Variants in SLC6A11 observed in about 807,000 individuals in gnomAD.
SLC6A11 encodes sodium- and chloride-dependent GABA transporter 3.
A neutral mutation model predicts 74.8 loss-of-function variants in SLC6A11; 25 were observed. The ratio of observed to expected loss-of-function variants is 0.33; its 90% CI spans 0.24 to 0.47. SLC6A11 has a LOEUF of 0.47. Ranked by LOEUF, SLC6A11 falls within the 20% of genes least tolerant of loss-of-function variation. The probability of loss-of-function intolerance (pLI) is 1.00; values close to 1 mark genes in which losing one functional copy is unlikely to be tolerated. For missense variants in SLC6A11, 574 were observed against 837.0 expected (o/e 0.69, Z 3.88); for synonymous variants, 330 against 330.2 (o/e 1.00, Z 0.01).
At chr3:10,870,994 T>C (rs1244335376) in intron 5 of SLC6A11, among the ~76,000 whole-genome samples, 3 of 152,228 alleles carry the variant, frequency 2.0e-5, no homozygotes, top group East Asian at 3.8e-4. Context: ...AAGGTGTGAA[T>C]AGCAGTGGAG....
intron 4 of SLC6A11, among the ~76,000 whole-genome samples, chr3:10,831,022 G>C (rs1187512530): frequency 1.3e-5 from 2 of 152,118 alleles, no homozygotes; most frequent in African/African-American, 4.8e-5. Flanking sequence ...GCCATGCTTG[G>C]CCATAGAATA....
chr3:10,901,243 A>G (rs1263778842), intron 6 of SLC6A11, among the ~76,000 whole-genome samples: 1 of 152,178 alleles, frequency 6.6e-6, no homozygotes, highest in African/African-American at 2.4e-5. Flanking sequence ...GGCTCAAGCA[A>G]CTGACGTGAT....
intron 6 of SLC6A11, among the ~76,000 whole-genome samples, chr3:10,890,177 G>C (rs1352077461): frequency 6.6e-6 from 1 of 152,166 alleles, no homozygotes; most frequent in African/African-American, 2.4e-5. Flanking sequence ...TTGGACATTA[G>C]TGCTTTATAG....
intron 11 of SLC6A11, among the ~76,000 whole-genome samples, chr3:10,933,665 A>G (rs1470832172): frequency 6.6e-6 from 1 of 152,094 alleles, no homozygotes; most frequent in African/African-American, 2.4e-5. Context: ...GGGCTCAGTG[A>G]TGGTCACTCC....
chr3:10,844,433 T>G, intron 5 of SLC6A11, 87 bp downstream of exon 5: 1 of 1,529,872 alleles, frequency 6.5e-7, no homozygotes, highest in Non-Finnish European at 9.0e-7. Context: ...GAGTTCATGT[T>G]GCAGAGGCCA....
At chr3:10,866,116 G>C (rs918019450) in intron 5 of SLC6A11, among the ~76,000 whole-genome samples, 1 of 152,194 alleles carries the variant, frequency 6.6e-6, no homozygotes, top group African/African-American at 2.4e-5. Flanking sequence ...GACTCCTTCT[G>C]TTCTGTTGCT....
At chr3:10,894,360 G>A (rs529285298) in intron 6 of SLC6A11, among the ~76,000 whole-genome samples, 149 of 152,314 alleles carry the variant, frequency 9.8e-4, no homozygotes, top group African/African-American at 3.3e-3. Flanking sequence ...TGTAAGCAGG[G>A]CAGGCAGGTC....
intron 4 of SLC6A11, among the ~76,000 whole-genome samples, chr3:10,832,882 A>G (rs1694315762): frequency 6.6e-6 from 1 of 152,206 alleles, no homozygotes; most frequent in Admixed American, 6.5e-5. Flanking sequence ...TAAGTAAAAG[A>G]AGAAAATACA....
chr3:10,894,930 A>G (rs1465691407), intron 6 of SLC6A11, among the ~76,000 whole-genome samples: 2 of 152,228 alleles, frequency 1.3e-5, no homozygotes, highest in Non-Finnish European at 2.9e-5. Flanking sequence ...TAAAAGTTAA[A>G]AAATAAAATA....
At chr3:10,867,481 G>A (rs1694779591) in intron 5 of SLC6A11, among the ~76,000 whole-genome samples, 1 of 152,226 alleles carries the variant, frequency 6.6e-6, no homozygotes, top group Non-Finnish European at 1.5e-5. Flanking sequence ...CACCCAGTAG[G>A]TGTTCAGTTA....
chr3:10,851,272 C>A (rs1199340721), intron 5 of SLC6A11, among the ~76,000 whole-genome samples: 1 of 152,148 alleles, frequency 6.6e-6, no homozygotes, highest in Admixed American at 6.5e-5. Flanking sequence ...CTGGTCCCTT[C>A]CCCGCCTCCT....
intron 6 of SLC6A11, among the ~76,000 whole-genome samples, chr3:10,889,850 A>G (rs1373874348): frequency 6.6e-6 from 1 of 152,140 alleles, no homozygotes; most frequent in African/African-American, 2.4e-5. Flanking sequence ...GCAAGAAGGA[A>G]TTCCTGGGTG....
chr3:10,928,557 C>T (rs568761611), intron 9 of SLC6A11, among the ~76,000 whole-genome samples: 170 of 152,262 alleles, frequency 1.1e-3, no homozygotes, highest in Middle Eastern at 3.4e-3. Flanking sequence ...GCTTAGCACA[C>T]GGGATACAGA....
intron 7 of SLC6A11, among the ~76,000 whole-genome samples, chr3:10,917,855 T>C (rs1211095880): frequency 6.6e-6 from 1 of 152,024 alleles, no homozygotes; most frequent in Non-Finnish European, 1.5e-5. Context: ...CCATAAAGCC[T>C]CTCCCCCGGA....
In SLC6A11 at chr3:10,915,530, G is replaced by A. The variant is rs1026142070; in HGVS notation, c.996-2799G>A. ...TTAAAAGCCCAGCTCAGTGCCTGCC[G>A]ACTTCAAAGCACTGTTACATAAGCG... is the stretch of plus-strand genomic sequence containing the variant. On this transcript the variant is annotated intron_variant, in intron 7 of 13. Transcript: ENST00000254488. This position sits in a 1 kb window ranked among gnomAD's most constrained non-coding sequence, Gnocchi z 4.3. Among the ~76,000 whole-genome samples, 4 of 152,158 alleles carry A rather than the reference G, an allele frequency of 2.6e-5. No individual in the cohort carries two copies. Among genetic ancestry groups the A allele is most frequent in the East Asian group, 1.9e-4 (1 of 5,186 alleles).
intron 6 of SLC6A11, among the ~76,000 whole-genome samples, chr3:10,877,695 G>A (rs749887468): frequency 1.6e-4 from 24 of 152,138 alleles, no homozygotes; most frequent in Non-Finnish European, 3.2e-4. Flanking sequence ...CAAAACAACC[G>A]TGTCAATTAG....
intron 5 of SLC6A11, among the ~76,000 whole-genome samples, chr3:10,857,278 G>A (rs941545836): frequency 1.3e-5 from 2 of 152,180 alleles, no homozygotes; most frequent in African/African-American, 4.8e-5. Context: ...TGGAGGAGTG[G>A]TGTGGAAAGG....
Position 10,816,555 on chromosome 3 carries a change from C to A in SLC6A11, c.256+34C>A, listed in dbSNP as rs1021220047. On this transcript the variant is annotated intron_variant, in intron 1 of 13. Coordinates refer to ENST00000254488, the MANE Select transcript of SLC6A11 (RefSeq NM_014229.3). The surrounding 1 kb of genome is among the most constrained non-coding windows in gnomAD (Gnocchi z 4.2). ...ATAGTGAGGAGAAGGGGAGGGGGCG[C>A]CAACCGCCCGGTGGGGGCGGGGAGC... 1 of 1,532,042 alleles carries A rather than the reference C, an allele frequency of 6.5e-7. No individual in the cohort carries two copies. The highest frequency in any genetic ancestry group is 8.8e-7 in the Non-Finnish European group (1 of 1,137,928). 94.9% of individuals were successfully genotyped at this position (1,532,042 alleles called of 1,614,324 possible). A position where few individuals can be genotyped will look rare whatever the true frequency, so the allele number is the denominator to read the frequency against.
intron 9 of SLC6A11, among the ~76,000 whole-genome samples, chr3:10,927,218 C>T (rs529214839): frequency 1.1e-4 from 16 of 152,118 alleles, no homozygotes; most frequent in African/African-American, 3.4e-4. Context: ...GTTGCTGTTG[C>T]GGGCAGAGGT....
Sources: allele counts gnomAD v4.1 joint callset (sites outside exome capture counted in the v4.1 genomes callset), GRCh38; gene constraint gnomAD v4.1.1; non-coding constraint Gnocchi (gnomAD v3.1); transcripts MANE v1.5; gene names NCBI Gene and HGNC (gene_info 2026-07-23, HGNC 2026-07-21).